The following LRRFIP2 variants were observed in gnomAD, a reference collection of about 807,000 sequenced individuals.
The protein encoded by LRRFIP2 is LRR binding FLII interacting protein 2, also known as leucine-rich repeat flightless-interacting protein 2.
Under a neutral mutation model 125.9 loss-of-function variants are expected in LRRFIP2, and 109 were observed. The observed-to-expected ratio is 0.87, with a 90% CI of 0.74 to 1.01. The LOEUF is 1.01. Among genes scored for constraint, LRRFIP2 ranks in the 50% least tolerant of loss-of-function variants. LRRFIP2 has a pLI of 0.00. For synonymous variants in LRRFIP2, 291 were observed against 293.1 expected (o/e 0.99, Z 0.07); for missense variants, 850 against 862.3 (o/e 0.99, Z 0.18).
chr3:37,053,155 A>ATTGAAGAAAAAAAGGACCCAACTCTTAC lies in LRRFIP2; in HGVS notation c.*668_*695dup. ...ACTTTACAAGGTACAGCACAGTTGT[A>ATTGAAGAAAAAAAGGACCCAACTCTTAC]TTGAAGAAAAAAAGGACCCAACTCT... On this transcript the variant is annotated 3_prime_UTR_variant, in exon 28 of 28. Coordinates refer to ENST00000336686, the MANE Select transcript of LRRFIP2 (RefSeq NM_006309.4). 1 of 152,782 alleles carries ATTGAAGAAAAAAAGGACCCAACTCTTAC rather than the reference A, an allele frequency of 6.5e-6. No homozygotes were observed. The highest frequency in any genetic ancestry group is 1.9e-4 in the East Asian group (1 of 5,174). 9.5% of individuals were successfully genotyped at this position (152,782 alleles called of 1,614,324 possible). A position where few individuals can be genotyped will look rare whatever the true frequency, so the allele number is the denominator to read the frequency against.
intron 15 of LRRFIP2, 54 bp from the exon 16 acceptor site, chr3:37,096,714 T>C (rs2093737792): frequency 1.9e-6 from 2 of 1,040,732 alleles, no homozygotes; most frequent in Admixed American, 4.8e-5. Flanking sequence ...GTTGACTTTT[T>C]TTGGGAGGAA....
At chr3:37,131,088 G>C (rs1261262790) in intron 2 of LRRFIP2, among the ~76,000 whole-genome samples, 1 of 152,116 alleles carries the variant, frequency 6.6e-6, no homozygotes, top group Non-Finnish European at 1.5e-5. Context: ...TGGCAATCAG[G>C]TTTGCTACTA....
intron 1 of LRRFIP2, among the ~76,000 whole-genome samples, chr3:37,163,690 G>T (rs926331283): frequency 6.6e-6 from 1 of 152,210 alleles, no homozygotes; most frequent in South Asian, 2.1e-4. Flanking sequence ...AGCCTATCCT[G>T]ACTAACAGAC....
At chr3:37,132,256 T>C (rs113081191) in intron 2 of LRRFIP2, among the ~76,000 whole-genome samples, 8 of 150,496 alleles carry the variant, frequency 5.3e-5, no homozygotes, top group Non-Finnish European at 1.0e-4. Context: ...TATCAATGTG[T>C]AGGAATTTTC....
Position 37,075,077 on chromosome 3 carries a change from G to A in LRRFIP2, c.1318C>T (p.His440Tyr), listed in dbSNP as rs1203164592. ...CCTTCTTTAAGTTCTTCCATCTTAT[G>A]CTGCAGCACACTACACATATGTTTC... ...RQKHMCSVLQ[H>Y]KMEELKEGLR... is the part of the protein sequence containing the mutation. The change falls in exon 20 of 28, where the codon CAT (histidine) becomes TAT (tyrosine). Residue 440 changes from histidine (H) to tyrosine (Y), a missense_variant. By Grantham distance (83) the His-to-Tyr change is moderately conservative. Coordinates refer to ENST00000336686, the MANE Select transcript of LRRFIP2 (RefSeq NM_006309.4). 2 of 1,612,302 alleles carry A rather than the reference G, an allele frequency of 1.2e-6. No individual in the cohort carries two copies. The highest frequency in any genetic ancestry group is 2.2e-5 in the East Asian group (1 of 44,830).
chr3:37,111,509 G>A (rs774922935), intron 8 of LRRFIP2, among the ~76,000 whole-genome samples: 1 of 152,164 alleles, frequency 6.6e-6, no homozygotes, highest in South Asian at 2.1e-4. Flanking sequence ...GAAAGAGAGA[G>A]TACGATAAAT....
chr3:37,096,810 A>T, intron 15 of LRRFIP2, 150 bp from the exon 16 acceptor site: 1 of 550,188 alleles, frequency 1.8e-6, no homozygotes, highest in Non-Finnish European at 3.2e-6. Flanking sequence ...TTCCAGTTTA[A>T]CATAAGATAA....
chr3:37,121,434 T>C, intron 6 of LRRFIP2, 58 bp downstream of exon 6: 2 of 1,488,802 alleles, frequency 1.3e-6, no homozygotes, highest in Non-Finnish European at 1.9e-6. Flanking sequence ...TTAGGCAACA[T>C]TATTGAAGAA....
chr3:37,102,258 T>C (rs76602421), intron 15 of LRRFIP2, among the ~76,000 whole-genome samples: 2,494 of 152,192 alleles, frequency 0.016, 34 homozygotes, highest in Non-Finnish European at 0.026. Flanking sequence ...GAACTATTTA[T>C]TGGGAAATGA....
At chr3:37,156,321 A>T (rs1212136002) in intron 1 of LRRFIP2, among the ~76,000 whole-genome samples, 2 of 151,814 alleles carry the variant, frequency 1.3e-5, no homozygotes, top group Non-Finnish European at 1.5e-5. Flanking sequence ...CTTTAAAAAA[A>T]ATTTTTTTTT....
chr3:37,084,165 G>A (rs1426876720), intron 18 of LRRFIP2, among the ~76,000 whole-genome samples: 2 of 152,158 alleles, frequency 1.3e-5, no homozygotes, highest in Non-Finnish European at 2.9e-5. Context: ...ACAGACTGGT[G>A]TTCAGAACGC....
In LRRFIP2 at chr3:37,137,428, A is replaced by G. The variant is rs75333102; in HGVS notation, c.91-8279T>C. On this transcript the variant is annotated intron_variant, in intron 2 of 27. Transcript: ENST00000336686. ...CTTAACCACATTGCCACCAACTTAC[A>G]TCTTTATAGTCCAAGTATAATTGCA... Among the ~76,000 whole-genome samples, 1,388 of 152,316 alleles carry G rather than the reference A, an allele frequency of 9.1e-3. 25 individuals carry two copies. The highest frequency in any genetic ancestry group is 0.032 in the African/African-American group (1,325 of 41,554).
At chr3:37,122,673 A>G (rs1409753007) in intron 4 of LRRFIP2, among the ~76,000 whole-genome samples, 1 of 152,186 alleles carries the variant, frequency 6.6e-6, no homozygotes, top group Non-Finnish European at 1.5e-5. Context: ...TTAATATGAA[A>G]AACTACTTAC....
At chr3:37,090,704 CA>C (rs1231658828) in intron 18 of LRRFIP2, among the ~76,000 whole-genome samples, 4 of 152,084 alleles carry the variant, frequency 2.6e-5, no homozygotes, top group Non-Finnish European at 5.9e-5. Context: ...TGAAAAATGT[CA>C]GTGATCCTTT....
Position 37,121,493 on chromosome 3 carries a change from C to A in LRRFIP2, c.329G>T (p.Arg110Met), listed in dbSNP as rs1220641009. Reference protein sequence around the residue: ...ALSIRSVGSHRYDMFKDRSSR... With the variant: ...ALSIRSVGSHMYDMFKDRSSR... ...GTGTAGACAAGTTAAAATACCAACCCTGTGACTGCCAACACTTCGAATGGA... is the reference window on the plus strand; with the variant it reads ...GTGTAGACAAGTTAAAATACCAACCATGTGACTGCCAACACTTCGAATGGA... The change falls in exon 6 of 28, where the codon AGG (arginine) becomes ATG (methionine). Residue 110 changes from arginine to methionine, a missense_variant and splice_region_variant. Coordinates refer to ENST00000336686, the MANE Select transcript of LRRFIP2 (RefSeq NM_006309.4). The A allele has an allele frequency of 6.2e-7, 1 of 1,613,778 alleles. No individual in the cohort carries two copies. Among genetic ancestry groups the A allele is most frequent in the Non-Finnish European group, 8.5e-7 (1 of 1,179,784 alleles).
At position 37,065,808 on chromosome 3, in the gene LRRFIP2, A is replaced by AC; in HGVS notation, c.1699+1dup. On this transcript the variant is annotated splice_donor_variant, in intron 23 of 27. Coordinates refer to ENST00000336686, the MANE Select transcript of LRRFIP2 (RefSeq NM_006309.4). LOFTEE classifies it high-confidence loss of function. The stretch of plus-strand genomic sequence containing the variant: ...AAGTCAACATAGCAACCAGTATCTT[A>AC]CCTAATGGCCCTTCTCCTGCTGACT... 1 of 1,614,162 alleles carries AC rather than the reference A, an allele frequency of 6.2e-7. No homozygotes were observed. The highest frequency in any genetic ancestry group is 8.5e-7 in the Non-Finnish European group (1 of 1,179,998).
rs2091494100 is a variant in LRRFIP2 at position 37,072,984 on chromosome 3, C to T, written c.1372-102G>A. 3 of 723,258 alleles carry T rather than the reference C, an allele frequency of 4.1e-6. No homozygotes were observed. The East Asian group carries it at 8.2e-5, about 20-fold the overall frequency. The allele number at this position is 723,258 out of a possible 1,614,324, so 44.8% of individuals were successfully genotyped here. A position where few individuals can be genotyped will look rare whatever the true frequency, so the allele number is the denominator to read the frequency against. On this transcript the variant is annotated intron_variant, in intron 20 of 27. Transcript: ENST00000336686. ...AATAAAGCCGATAAAGAAACTTAAC[C>T]AAAAGGGAAAGTCTGTGATGAACAG...
rs2086018120 is a variant in LRRFIP2, at chr3:37,053,725, T to C, written c.*126A>G. The C allele has an allele frequency of 1.6e-6, 1 of 640,016 alleles. No homozygotes were observed. The highest frequency in any genetic ancestry group is 2.9e-6 in the Non-Finnish European group (1 of 350,756). The allele number at this position is 640,016 out of a possible 1,614,324, so 39.6% of individuals were successfully genotyped here. A position where few individuals can be genotyped will look rare whatever the true frequency, so the allele number is the denominator to read the frequency against. ...CTTCATTCTGTCATAAATTATAAAATACAAAGGTGGCTGTTTTAATGACAA... is the reference window on the plus strand; with the variant it reads ...CTTCATTCTGTCATAAATTATAAAACACAAAGGTGGCTGTTTTAATGACAA... On this transcript the variant is annotated 3_prime_UTR_variant, in exon 28 of 28. Transcript: ENST00000336686.
At chr3:37,143,296 T>C (rs1255464685) in intron 2 of LRRFIP2, among the ~76,000 whole-genome samples, 3 of 152,250 alleles carry the variant, frequency 2.0e-5, no homozygotes, top group Non-Finnish European at 4.4e-5. Flanking sequence ...TTGCTGTCTT[T>C]ATGTTGAATT....
Sources: gnomAD v4.1 joint callset for allele counts (sites outside exome capture counted in the v4.1 genomes callset) on GRCh38, gnomAD v4.1.1 for gene constraint, MANE v1.5 for transcripts, NCBI Gene and HGNC (gene_info 2026-07-23, HGNC 2026-07-21) for gene names.